Variants in PLS1 observed in about 807,000 individuals in gnomAD.
PLS1 encodes the protein plastin 1.
In PLS1, 32 loss-of-function variants were observed where a neutral mutation model predicts 73.7. That is an observed-to-expected ratio of 0.43 (90% CI 0.33 to 0.58). The LOEUF is 0.58. Ranked by LOEUF, PLS1 falls within the 20% of genes least tolerant of loss-of-function variation. The pLI, the probability that PLS1 is intolerant of heterozygous loss-of-function variation, is 0.04. For missense variants in PLS1, 633 were observed against 740.5 expected (o/e 0.85, Z 1.68); for synonymous variants, 217 against 261.3 (o/e 0.83, Z 1.63).
chr3:142,683,886 G>T, intron 6 of PLS1, 120 bp from the exon 7 acceptor site: 2 of 648,332 alleles, frequency 3.1e-6, no homozygotes, highest in Middle Eastern at 4.4e-4. Context: ...TATTTTCGTT[G>T]TATAAATATT....
chr3:142,700,962 T>C (rs760556809), intron 12 of PLS1, among the ~76,000 whole-genome samples: 1 of 152,214 alleles, frequency 6.6e-6, no homozygotes, highest in Non-Finnish European at 1.5e-5. Flanking sequence ...ACCATGTAAA[T>C]AGTGCCTTTT....
intron 6 of PLS1, among the ~76,000 whole-genome samples, chr3:142,682,042 A>G (rs2037867181): frequency 6.6e-6 from 1 of 152,194 alleles, no homozygotes; most frequent in Non-Finnish European, 1.5e-5. Flanking sequence ...AAGAGAAAAT[A>G]CTTGCAAAGC....
chr3:142,614,099 C>T (rs1221190870), intron 1 of PLS1, among the ~76,000 whole-genome samples: 2 of 152,178 alleles, frequency 1.3e-5, no homozygotes, highest in Admixed American at 6.5e-5. Flanking sequence ...CCTTTACCAT[C>T]TCTCTCCTCA....
At chr3:142,697,810 G>A (rs2038241827) in intron 11 of PLS1, 143 bp from the exon 12 acceptor site, 1 of 542,206 alleles carries the variant, frequency 1.8e-6, no homozygotes, top group Non-Finnish European at 3.3e-6. Flanking sequence ...GGAAGTTCTG[G>A]GTCAAATGAT....
rs1190700054 is a variant in PLS1, at chr3:142,664,324, G to C, written c.70+17G>C. On this transcript the variant is annotated intron_variant, in intron 2 of 15. Coordinates refer to ENST00000457734, the MANE Select transcript of PLS1 (RefSeq NM_001145319.2). ...ATAAAATAGGTATGCTTGAGAAAAAGTAAATATGATATTACTGGTCTGCTT... is the reference window on the plus strand; with the variant it reads ...ATAAAATAGGTATGCTTGAGAAAAACTAAATATGATATTACTGGTCTGCTT... 2.2e-6 allele frequency: 3 copies of C among 1,359,300 alleles called. No homozygotes were observed. Among genetic ancestry groups the C allele is most frequent in the Admixed American group, 3.6e-5 (2 of 54,948 alleles). 84.2% of individuals were successfully genotyped at this position (1,359,300 alleles called of 1,614,324 possible).
At position 142,647,906 on chromosome 3, in the gene PLS1, G is replaced by A. The variant is rs543703700; in HGVS notation, c.-36-16296G>A. ...CTGACTCTCTAGTAGGGGCTGTGTG[G>A]AGGACTGTGTTGAAAAGGGATCCTG... On this transcript the variant is annotated intron_variant, in intron 1 of 15. Coordinates refer to ENST00000457734, the MANE Select transcript of PLS1 (RefSeq NM_001145319.2). Among the ~76,000 whole-genome samples, 9 of 152,276 alleles carry A rather than the reference G, an allele frequency of 5.9e-5. No individual in the cohort carries two copies. The South Asian group carries it at 1.5e-3, about 25-fold the overall frequency.
intron 11 of PLS1, 43 bp downstream of exon 11, chr3:142,694,590 C>A: frequency 8.4e-7 from 1 of 1,195,016 alleles, no homozygotes; most frequent in African/African-American, 1.5e-5. Flanking sequence ...CAGGGTCCAA[C>A]TTTTCAAGTT....
intron 1 of PLS1, among the ~76,000 whole-genome samples, chr3:142,630,437 A>AC (rs2036532876): frequency 7.6e-6 from 1 of 132,236 alleles, no homozygotes; most frequent in Non-Finnish European, 1.7e-5. Context: ...AAAAAAAAAA[A>AC]AAACAAACAA....
intron 2 of PLS1, among the ~76,000 whole-genome samples, chr3:142,665,414 G>C (rs901452778): frequency 1.3e-5 from 2 of 151,878 alleles, no homozygotes; most frequent in Non-Finnish European, 2.9e-5. Context: ...ATTTCTCCCT[G>C]GGAATGGCAT....
chr3:142,697,074 T>C (rs113910525), intron 11 of PLS1, among the ~76,000 whole-genome samples: 5 of 152,082 alleles, frequency 3.3e-5, no homozygotes, highest in African/African-American at 1.2e-4. Flanking sequence ...ATATAATATA[T>C]CACAAAGCTA....
chr3:142,635,397 C>T (rs2036657326), intron 1 of PLS1, among the ~76,000 whole-genome samples: 1 of 149,994 alleles, frequency 6.7e-6, no homozygotes, highest in South Asian at 2.1e-4. Flanking sequence ...TAGAGATTCA[C>T]TGGCTAACAT....
At chr3:142,641,453 G>T (rs1044726156) in intron 1 of PLS1, among the ~76,000 whole-genome samples, 4 of 150,788 alleles carry the variant, frequency 2.7e-5, no homozygotes, top group African/African-American at 9.7e-5. Context: ...TATATATCCT[G>T]TTCTTTTTAA....
At chr3:142,633,691 A>G (rs558596267) in intron 1 of PLS1, among the ~76,000 whole-genome samples, 171 of 152,198 alleles carry the variant, frequency 1.1e-3, no homozygotes, top group Middle Eastern at 6.8e-3. Context: ...AACAAAAAAC[A>G]TGGTTAAGAT....
intron 1 of PLS1, among the ~76,000 whole-genome samples, chr3:142,624,161 A>G (rs2036371675): frequency 6.6e-6 from 1 of 152,208 alleles, no homozygotes; most frequent in South Asian, 2.1e-4. Context: ...GTCTGAAGAA[A>G]ATATCTAAAT....
intron 1 of PLS1, among the ~76,000 whole-genome samples, chr3:142,643,809 T>A (rs2036891146): frequency 2.0e-5 from 3 of 150,570 alleles, no homozygotes; most frequent in African/African-American, 7.3e-5. Context: ...TCTGCTCTTG[T>A]TAATTTCTTC....
At chr3:142,604,919 G>A (rs1302379705) in intron 1 of PLS1, among the ~76,000 whole-genome samples, 1 of 144,944 alleles carries the variant, frequency 6.9e-6, no homozygotes, top group African/African-American at 2.7e-5. Context: ...CTGGGCAGCA[G>A]AGCAAGACTC....
intron 1 of PLS1, among the ~76,000 whole-genome samples, chr3:142,648,423 G>T (rs1050846891): frequency 1.3e-5 from 2 of 152,034 alleles, no homozygotes; most frequent in Non-Finnish European, 2.9e-5. Context: ...GGAAATTGAA[G>T]TATAGTTTAA....
chr3:142,604,672 C>T (rs546651969), intron 1 of PLS1, among the ~76,000 whole-genome samples: 2 of 152,270 alleles, frequency 1.3e-5, no homozygotes, highest in East Asian at 1.9e-4. Context: ...CAGTGGCTCA[C>T]GCCTGTAATC....
chr3:142,704,118 A>G (rs1364905337), intron 13 of PLS1, 117 bp downstream of exon 13: 3 of 750,474 alleles, frequency 4.0e-6, no homozygotes, highest in Non-Finnish European at 6.2e-6. Context: ...AATGCAAAAT[A>G]TTTTAATTTT....
Sources: allele counts gnomAD v4.1 joint callset (sites outside exome capture counted in the v4.1 genomes callset), GRCh38; gene constraint gnomAD v4.1.1; transcripts MANE v1.5; gene names NCBI Gene and HGNC (gene_info 2026-07-23, HGNC 2026-07-21).